DPP6: variants seen among roughly 807,000 people sequenced by gnomAD.
DPP6 encodes the protein dipeptidyl peptidase like 6, also known as A-type potassium channel modulatory protein DPP6.
A neutral mutation model predicts 122.6 loss-of-function variants in DPP6; 69 were observed. That is an observed-to-expected ratio of 0.56 (90% CI 0.46 to 0.69). The LOEUF is 0.69. DPP6 is among the 30% of genes least tolerant of loss of function. The pLI, the probability that DPP6 is intolerant of heterozygous loss-of-function variation, is 0.00. For missense variants in DPP6, 928 were observed against 1,116.9 expected (o/e 0.83, Z 2.41); for synonymous variants, 418 against 433.1 (o/e 0.97, Z 0.43).
At chr7:154,406,203 C>A (rs1816072963) in intron 1 of DPP6, among the ~76,000 whole-genome samples, 1 of 152,130 alleles carries the variant, frequency 6.6e-6, no homozygotes, top group African/African-American at 2.4e-5. Flanking sequence ...AGAAGTTTGC[C>A]AGCCAACCTT....
intron 5 of DPP6, among the ~76,000 whole-genome samples, chr7:154,614,275 A>G (rs4960601): frequency 0.4 from 61,255 of 151,886 alleles, 13,363 homozygotes; most frequent in East Asian, 0.64. Flanking sequence ...TAATTTTCCT[A>G]TTTTTGGGAT....
intron 2 of DPP6, among the ~76,000 whole-genome samples, chr7:154,465,373 C>T (rs1361487103): frequency 6.6e-6 from 1 of 152,064 alleles, no homozygotes; most frequent in East Asian, 1.9e-4. Flanking sequence ...TCTAATTAAA[C>T]TAAAGAGCTT....
rs1458084584 is a variant in DPP6, at chr7:154,755,965, G to T, written c.884-13452G>T. Among the ~76,000 whole-genome samples the T allele has an allele frequency of 3.9e-5, 6 of 152,202 alleles. No individual in the cohort carries two copies. The highest frequency in any genetic ancestry group is 7.3e-5 in the Non-Finnish European group (5 of 68,040). Reference sequence around the variant, plus strand: ...ACTTGAGTGGGACTGTTGGGTTGTTGTGTTGCAGAGGAAATATGCTTTTTG... The same window carrying T: ...ACTTGAGTGGGACTGTTGGGTTGTTTTGTTGCAGAGGAAATATGCTTTTTG... On this transcript the variant is annotated intron_variant, in intron 8 of 25. Coordinates refer to ENST00000377770, the MANE Select transcript of DPP6 (RefSeq NM_130797.4). The surrounding 1 kb of genome is among the most constrained non-coding windows in gnomAD (Gnocchi z 4.7).
At chr7:153,875,037 CAACA>C in the DPP6 span, among the ~76,000 whole-genome samples, 2 of 152,044 alleles carry the variant, frequency 1.3e-5, no homozygotes, top group Admixed American at 6.5e-5. Flanking sequence ...AGATAGATTA[CAACA>C]AACAGACAAA....
chr7:154,528,713 A>G (rs78262807), intron 3 of DPP6, among the ~76,000 whole-genome samples: 4,295 of 152,314 alleles, frequency 0.028, 95 homozygotes, highest in South Asian at 0.083. Context: ...GCTGTGATGA[A>G]TATAAAATAG....
intron 1 of DPP6, among the ~76,000 whole-genome samples, chr7:153,899,682 G>A (rs1391702905): frequency 6.6e-6 from 1 of 152,210 alleles, no homozygotes; most frequent in Non-Finnish European, 1.5e-5. Context: ...CTTAGCTTCT[G>A]AGAAATGTGT....
chr7:154,790,709 G>A (rs1252494726), intron 10 of DPP6, among the ~76,000 whole-genome samples: 9 of 151,850 alleles, frequency 5.9e-5, no homozygotes, highest in African/African-American at 1.5e-4. Flanking sequence ...GATGAGCCAC[G>A]AGGCAGAGTG....
chr7:154,455,379 A>G (rs1820739398), intron 2 of DPP6, among the ~76,000 whole-genome samples: 1 of 152,154 alleles, frequency 6.6e-6, no homozygotes, highest in African/African-American at 2.4e-5. Context: ...AGCAGCCTTC[A>G]GTGTCCACCA....
intron 1 of DPP6, among the ~76,000 whole-genome samples, chr7:154,290,807 G>A (rs1038655720): frequency 1.3e-5 from 2 of 152,122 alleles, no homozygotes; most frequent in African/African-American, 4.8e-5. Context: ...CTCTGCACAT[G>A]CCTGTGTTTA....
At chr7:154,169,955 C>T (rs550139431) in intron 1 of DPP6, among the ~76,000 whole-genome samples, 1 of 152,204 alleles carries the variant, frequency 6.6e-6, no homozygotes, top group Non-Finnish European at 1.5e-5. Flanking sequence ...AACTCGTGAC[C>T]TCAGGTGATC....
chr7:154,050,399 T>C (rs566943564), upstream of DPP6, among the ~76,000 whole-genome samples: 1 of 152,206 alleles, frequency 6.6e-6, no homozygotes, highest in South Asian at 2.1e-4. Context: ...TAGTATGACA[T>C]TTAGTTTGTG....
At chr7:154,733,366 C>G (rs1031500335) in intron 8 of DPP6, among the ~76,000 whole-genome samples, 2 of 152,236 alleles carry the variant, frequency 1.3e-5, no homozygotes, top group Non-Finnish European at 2.9e-5. Context: ...GCACCAAACC[C>G]TGGTGGTGTG....
chr7:154,795,418 C>T (rs1797983202), intron 11 of DPP6, among the ~76,000 whole-genome samples: 1 of 152,176 alleles, frequency 6.6e-6, no homozygotes, highest in Non-Finnish European at 1.5e-5. Flanking sequence ...TCTGGTCCAC[C>T]AGGAGTGTTA....
At chr7:154,854,969 G>A (rs898020663) in intron 17 of DPP6, among the ~76,000 whole-genome samples, 35 of 152,048 alleles carry the variant, frequency 2.3e-4, no homozygotes, top group African/African-American at 7.2e-4. Flanking sequence ...TTCATGGCCC[G>A]GGTCCGCAGT....
intron 5 of DPP6, among the ~76,000 whole-genome samples, chr7:154,585,704 G>C (rs916916900): frequency 6.6e-6 from 1 of 152,212 alleles, no homozygotes; most frequent in Non-Finnish European, 1.5e-5. Flanking sequence ...TTGTTCTACT[G>C]TATTGCTTAG....
chr7:154,710,414 G>C (rs1841109180), intron 7 of DPP6, among the ~76,000 whole-genome samples: 2 of 152,228 alleles, frequency 1.3e-5, no homozygotes, highest in African/African-American at 4.8e-5. Context: ...CAAATTCGCT[G>C]CAAAGAGGAC....
intron 1 of DPP6, among the ~76,000 whole-genome samples, chr7:153,932,096 A>C (rs576680609): frequency 6.8e-6 from 1 of 147,468 alleles, no homozygotes; most frequent in African/African-American, 2.5e-5. Flanking sequence ...ATTGTTTGCT[A>C]CTTGGCTTTG....
At chr7:153,812,149 G>A in the DPP6 span, among the ~76,000 whole-genome samples, 17 of 152,228 alleles carry the variant, frequency 1.1e-4, no homozygotes, top group East Asian at 3.1e-3. Flanking sequence ...TTATAAAAGA[G>A]CAACGGTGAT....
intron 7 of DPP6, among the ~76,000 whole-genome samples, chr7:154,682,434 ACAGTGAGGC>A (rs964920026): frequency 1.3e-5 from 2 of 152,236 alleles, no homozygotes; most frequent in African/African-American, 4.8e-5. Context: ...GTCATAAGGA[ACAGTGAGGC>A]CTCGTGGGCT....
Sources: allele counts gnomAD v4.1 joint callset (sites outside exome capture counted in the v4.1 genomes callset), GRCh38; gene constraint gnomAD v4.1.1; non-coding constraint Gnocchi (gnomAD v3.1); transcripts MANE v1.5; gene names NCBI Gene and HGNC (gene_info 2026-07-23, HGNC 2026-07-21).